The following GSN variants were observed in gnomAD, a reference collection of about 807,000 sequenced individuals.
The protein encoded by GSN is gelsolin.
Under a neutral mutation model 85.7 loss-of-function variants are expected in GSN, and 56 were observed. The observed-to-expected ratio is 0.65, with a 90% CI of 0.53 to 0.82. The LOEUF (loss-of-function observed/expected upper bound fraction) is 0.82. GSN is among the 40% of genes least tolerant of loss of function. GSN has a pLI of 0.00. For synonymous variants in GSN, 373 were observed against 399.1 expected, an observed-to-expected ratio of 0.93 and a Z score of 0.78; for missense variants, 857 against 979.8, an observed-to-expected ratio of 0.87 and a Z score of 1.67.
chr9:121,228,403 C>CACATATATATATATATAT (rs1475020604), intron 4 of GSN, among the ~76,000 whole-genome samples: 10 of 63,194 alleles, frequency 1.6e-4, no homozygotes, highest in Non-Finnish European at 2.2e-4. Flanking sequence ...CATTGATTAA[C>CACATATATATATATATAT]ATATATATAT....
chr9:121,300,804 G>A (rs2059756878), intron 2 of GSN, among the ~76,000 whole-genome samples: 2 of 152,196 alleles, frequency 1.3e-5, no homozygotes, highest in South Asian at 4.1e-4. Context: ...GAGGCAGACA[G>A]CGCAGGAGGC....
intron 5 of GSN, among the ~76,000 whole-genome samples, chr9:121,247,863 AC>A (rs1465167329): frequency 7.0e-6 from 1 of 142,246 alleles, no homozygotes; most frequent in African/African-American, 2.6e-5. Flanking sequence ...AAGCAACCTC[AC>A]CCCCCCACCC....
At chr9:121,217,887 G>A (rs746105763) in intron 4 of GSN, among the ~76,000 whole-genome samples, 2 of 149,912 alleles carry the variant, frequency 1.3e-5, no homozygotes, top group Admixed American at 6.6e-5. Context: ...CTACCCAACC[G>A]TTAATACTGC....
At chr9:121,296,976 G>C (rs2133059725) in intron 2 of GSN, among the ~76,000 whole-genome samples, 1 of 152,348 alleles carries the variant, frequency 6.6e-6, no homozygotes, top group South Asian at 2.1e-4. Flanking sequence ...TGGGGCCAAG[G>C]TCAAGCCACA....
chr9:121,286,263 C>T (rs1209793171), intron 2 of GSN: 21 of 926,616 alleles, frequency 2.3e-5, no homozygotes, highest in East Asian at 7.9e-5. Context: ...GGGAAAGTCC[C>T]GCTCCTGACT....
chr9:121,325,384 G>T (rs1017201469), intron 12 of GSN, among the ~76,000 whole-genome samples: 13 of 152,152 alleles, frequency 8.5e-5, no homozygotes, highest in Admixed American at 8.5e-4. Flanking sequence ...CACATGCAAA[G>T]GCCCTGAGGT....
chr9:121,293,866 T>C (rs1351529750), intron 2 of GSN, among the ~76,000 whole-genome samples: 1 of 152,188 alleles, frequency 6.6e-6, no homozygotes, highest in Non-Finnish European at 1.5e-5. Flanking sequence ...AAATGTTCTT[T>C]ACCTTATTAA....
chr9:121,310,645 C>T (rs761487236), intron 4 of GSN, 39 bp from the exon 5 acceptor site: 1 of 1,606,626 alleles, frequency 6.2e-7, no homozygotes. Flanking sequence ...TTCCCTGGGC[C>T]TTCTCCCCTG....
intron 2 of GSN, chr9:121,281,763 A>G (rs2057397930): frequency 2.1e-6 from 1 of 470,904 alleles, no homozygotes; most frequent in African/African-American, 2.0e-5. Context: ...GGCGAGAGTG[A>G]TCTTGTAGGG....
At chr9:121,254,713 C>T (rs1185227081) in intron 6 of GSN, among the ~76,000 whole-genome samples, 1 of 152,134 alleles carries the variant, frequency 6.6e-6, no homozygotes, top group Non-Finnish European at 1.5e-5. Context: ...TTTGTGTCTC[C>T]ACCACGTTTT....
Position 121,228,136 on chromosome 9 carries a change from C to T in GSN, c.-527-3029C>T, listed in dbSNP as rs147408402. 5.1e-4 allele frequency among the ~76,000 whole-genome samples: 78 copies of T among 152,076 alleles called. No individual in the cohort carries two copies. In the Middle Eastern group the frequency reaches 0.01, roughly 20 times the overall value. On this transcript the variant is annotated intron_variant, in intron 4 of 24. Coordinates refer to the GSN transcript ENST00000373823. The stretch of plus-strand genomic sequence containing the variant: ...CACTTTCCCATCTCTGATATTTATC[C>T]TGTGTTGTAATTACCTACTCAAATG...
chr9:121,210,335 T>A (rs2053949202), intron 3 of GSN: 1 of 152,162 alleles, frequency 6.6e-6, no homozygotes, highest in African/African-American at 2.4e-5. Flanking sequence ...ACCTGGTGAG[T>A]GACGTGCTAA....
chr9:121,320,238 G>A (rs1225627744), intron 10 of GSN, among the ~76,000 whole-genome samples: 4 of 152,184 alleles, frequency 2.6e-5, no homozygotes, highest in African/African-American at 4.8e-5. Context: ...TGGCGCTGCC[G>A]GGCCTCGTGA....
intron 1 of GSN, among the ~76,000 whole-genome samples, chr9:121,208,840 G>A (rs1385587488): frequency 6.6e-6 from 1 of 152,218 alleles, no homozygotes; most frequent in Non-Finnish European, 1.5e-5. Flanking sequence ...TGCCTAAAAG[G>A]GGGGCAGGTG....
chr9:121,309,262 C>G (rs1304582365), intron 4 of GSN: 5 of 152,230 alleles, frequency 3.3e-5, no homozygotes, highest in Non-Finnish European at 7.3e-5. Context: ...CACAGGAAAG[C>G]CCAGCTGACT....
chr9:121,226,083 C>A (rs1386140393), intron 4 of GSN, among the ~76,000 whole-genome samples: 1 of 152,194 alleles, frequency 6.6e-6, no homozygotes, highest in Non-Finnish European at 1.5e-5. Context: ...GGATTACAGG[C>A]GTGAGCCACT....
chr9:121,282,416 C>T (rs1028166544), intron 2 of GSN: 6 of 1,128,596 alleles, frequency 5.3e-6, no homozygotes, highest in East Asian at 2.9e-5. Flanking sequence ...CTCCAACCCA[C>T]GCCATCCCTT....
intron 5 of GSN, among the ~76,000 whole-genome samples, chr9:121,236,008 G>A (rs1286909871): frequency 6.6e-6 from 1 of 152,130 alleles, no homozygotes; most frequent in African/African-American, 2.4e-5. Flanking sequence ...CAACAGAAAT[G>A]TATTGTCTCA....
intron 2 of GSN, chr9:121,286,168 G>T (rs1564424658): frequency 1.3e-6 from 2 of 1,534,864 alleles, no homozygotes; most frequent in Non-Finnish European, 1.7e-6. Context: ...AGCCCTCAGG[G>T]GCAATTCTGA....
Sources: gnomAD v4.1 joint callset for allele counts (sites outside exome capture counted in the v4.1 genomes callset) on GRCh38, gnomAD v4.1.1 for gene constraint, MANE v1.5 for transcripts, NCBI Gene and HGNC (gene_info 2026-07-23, HGNC 2026-07-21) for gene names.